Variants in KMT2E observed in about 807,000 individuals in gnomAD.
KMT2E encodes histone reader KMT2E.
KMT2E carries 30 observed loss-of-function variants against 184.6 expected under a neutral mutation model. The observed-to-expected ratio is 0.16, with a 90% CI of 0.12 to 0.22. KMT2E has a LOEUF of 0.22. Among genes scored for constraint, KMT2E ranks in the 10% least tolerant of loss-of-function variants. The pLI is 1.00. For synonymous variants in KMT2E, 815 were observed against 776.5 expected, an observed-to-expected ratio of 1.05 and a Z score of -0.82; for missense variants, 2,023 against 2,237.4, an observed-to-expected ratio of 0.90 and a Z score of 1.93.
At chr7:105,078,025 T>G (rs1797602059) in intron 11 of KMT2E, among the ~76,000 whole-genome samples, 1 of 152,228 alleles carries the variant, frequency 6.6e-6, no homozygotes, top group Admixed American at 6.5e-5. Context: ...TCTAGAAGTA[T>G]GTTCATATCT....
At chr7:105,072,033 C>T (rs867010697) in intron 6 of KMT2E, among the ~76,000 whole-genome samples, 1 of 151,818 alleles carries the variant, frequency 6.6e-6, no homozygotes, top group African/African-American at 2.4e-5. Context: ...ATTAGGAGGC[C>T]GGGCGCGGTG....
intron 7 of KMT2E, among the ~76,000 whole-genome samples, chr7:105,073,996 A>G (rs1797433657): frequency 6.6e-6 from 1 of 152,240 alleles, no homozygotes; most frequent in African/African-American, 2.4e-5. Context: ...TCAGAAAGAT[A>G]TGATCCATTA....
At position 105,107,189 on chromosome 7, in the gene KMT2E, T is replaced by A; in HGVS notation, c.2871T>A (p.Ser957=). ...HFENISSPES[S]PEIKRRTYSQ... is the part of the protein sequence containing the mutation. ...AGAATATTTCTTCCCCAGAAAGTTC[T>A]CCAGAAATAAAGAGACGCACTTATA... Residue 957 remains serine, a synonymous_variant, in exon 21 of 27, where the codon TCT becomes TCA. Coordinates refer to ENST00000311117, the MANE Select transcript of KMT2E (RefSeq NM_182931.3). 2.6e-6 allele frequency: 4 copies of A among 1,550,108 alleles called. No individual in the cohort carries two copies. Among genetic ancestry groups the A allele is most frequent in the Non-Finnish European group, 3.5e-6 (4 of 1,139,896 alleles).
chr7:105,063,201 G>A, intron 4 of KMT2E, 150 bp from the exon 5 acceptor site: 2 of 578,464 alleles, frequency 3.5e-6, no homozygotes, highest in Non-Finnish European at 5.8e-6. Flanking sequence ...GCTTCACCAA[G>A]TCATTTTTTT....
In KMT2E at chr7:105,105,660, A is replaced by C; in HGVS notation, c.2418A>C (p.Glu806Asp). The C allele has an allele frequency of 6.2e-7, 1 of 1,604,918 alleles. No individual in the cohort carries two copies. The highest frequency in any genetic ancestry group is 8.5e-7 in the Non-Finnish European group (1 of 1,177,846). The part of the protein sequence containing the change: ...PFLSEKRRRK[E>D]PTENISGSCK... ...TTTCAGAAAAAAGGAGAAGAAAAGA[A>C]CCTACTGAAAACATTTCTGGTTCAT... The change falls in exon 18 of 27, where the codon GAA (glutamate) becomes GAC (aspartate). Residue 806 changes from glutamate (E) to aspartate (D), a missense_variant. By Grantham distance (45) the Glu-to-Asp change is conservative. This residue lies in a region of KMT2E where 514 missense variants were observed against 621.8 expected (regional missense o/e 0.83). Coordinates refer to ENST00000311117, the MANE Select transcript of KMT2E (RefSeq NM_182931.3).
intron 3 of KMT2E, among the ~76,000 whole-genome samples, chr7:105,042,677 G>A (rs1395226304): frequency 6.6e-6 from 1 of 152,140 alleles, no homozygotes; most frequent in African/African-American, 2.4e-5. Flanking sequence ...GAAGTGAAAT[G>A]CCACATGTGA....
chr7:105,015,265 C>T (rs1299862106), intron 1 of KMT2E, among the ~76,000 whole-genome samples: 2 of 152,154 alleles, frequency 1.3e-5, no homozygotes, highest in Non-Finnish European at 2.9e-5. Context: ...GGCACAAATT[C>T]TATGGCAGCA....
rs1423439308 is a variant in KMT2E at position 105,107,354 on chromosome 7, G to C, written c.2905-8G>C. 1 of 1,542,210 alleles carries C rather than the reference G, an allele frequency of 6.5e-7. No individual in the cohort carries two copies. Among genetic ancestry groups the C allele is most frequent in the African/African-American group, 1.4e-5 (1 of 71,098 alleles). On this transcript the variant is annotated splice_polypyrimidine_tract_variant and splice_region_variant and intron_variant, in intron 21 of 26. Transcript: ENST00000311117. ...TTTGTGTAATTTTTTTTTTTAATTTGTAAACAGGGATATGACAGATCTTCA... is the reference window on the plus strand; with the variant it reads ...TTTGTGTAATTTTTTTTTTTAATTTCTAAACAGGGATATGACAGATCTTCA...
intron 12 of KMT2E, among the ~76,000 whole-genome samples, chr7:105,079,363 G>A (rs1000960806): frequency 4.7e-5 from 7 of 150,438 alleles, no homozygotes; most frequent in African/African-American, 9.8e-5. Flanking sequence ...CTCGAACTCC[G>A]GACCTCAGGT....
At chr7:105,090,841 C>A (rs1798172728) in intron 14 of KMT2E, among the ~76,000 whole-genome samples, 2 of 152,154 alleles carry the variant, frequency 1.3e-5, no homozygotes, top group Middle Eastern at 6.8e-3. Context: ...TTTCCAGGGG[C>A]CTATCTTCTA....
chr7:105,025,555 ATTC>A (rs1484499756), intron 1 of KMT2E, among the ~76,000 whole-genome samples: 1 of 152,120 alleles, frequency 6.6e-6, no homozygotes. Context: ...AGGATTAATA[ATTC>A]TTCTTTTAAA....
At chr7:105,088,306 T>C (rs1323888099) in intron 13 of KMT2E, among the ~76,000 whole-genome samples, 2 of 152,232 alleles carry the variant, frequency 1.3e-5, no homozygotes, top group African/African-American at 4.8e-5. Context: ...TGTAGTTCTC[T>C]TGTCCTAAAA....
Position 105,112,488 on chromosome 7 carries a change from C to G in KMT2E, c.4732C>G (p.Gln1578Glu), listed in dbSNP as rs1799348470. 6.2e-7 allele frequency: 1 copy of G among 1,614,064 alleles called. No homozygotes were observed. The highest frequency in any genetic ancestry group is 2.2e-5 in the East Asian group (1 of 44,864). The change falls in exon 27 of 27, where the codon CAA becomes GAA. Residue 1578 changes from glutamine to glutamate, a missense_variant. Gln to Glu is a conservative substitution (Grantham distance 29). This residue lies in a region of KMT2E where 1,108 missense variants were observed against 1,050.9 expected (regional missense o/e 1.05). Coordinates refer to ENST00000311117, the MANE Select transcript of KMT2E (RefSeq NM_182931.3). ...TAATCAGCTCAAAGGTAGTCTTTCT[C>G]AACAAACTGTGTTTACATCAGGACC... ...NYNQLKGSLSQQTVFTSGPNQ... is the reference protein window; with the variant it reads ...NYNQLKGSLSEQTVFTSGPNQ...
At chr7:105,019,147 G>C (rs753383002) in intron 1 of KMT2E, among the ~76,000 whole-genome samples, 23 of 152,004 alleles carry the variant, frequency 1.5e-4, no homozygotes, top group South Asian at 6.2e-4. Context: ...ATCAAATGAA[G>C]GTGACCCAGA....
intron 3 of KMT2E, among the ~76,000 whole-genome samples, chr7:105,044,705 G>T (rs1796024699): frequency 2.0e-5 from 3 of 152,178 alleles, no homozygotes; most frequent in African/African-American, 7.2e-5. Flanking sequence ...TCCCATACCA[G>T]GCAGGACACA....
intron 18 of KMT2E, 37 bp downstream of exon 18, chr7:105,105,730 C>A: frequency 6.3e-7 from 1 of 1,579,624 alleles, no homozygotes; most frequent in Admixed American, 1.9e-5. Context: ...GTAGAATGAG[C>A]CAAATGCCAA....
At chr7:105,066,689 A>G (rs774722557) in intron 5 of KMT2E, 38 bp from the exon 6 acceptor site, 2 of 1,484,198 alleles carry the variant, frequency 1.3e-6, no homozygotes, top group Non-Finnish European at 1.9e-6. Flanking sequence ...AGGATGACTT[A>G]AATAATATTA....
intron 1 of KMT2E, among the ~76,000 whole-genome samples, chr7:105,032,446 G>C (rs557030515): frequency 6.7e-6 from 1 of 150,216 alleles, no homozygotes; most frequent in Non-Finnish European, 1.5e-5. Flanking sequence ...TCCGTCTCAA[G>C]AAAAAAAAAG....
At chr7:105,100,703 C>A (rs1253156678) in intron 15 of KMT2E, among the ~76,000 whole-genome samples, 1 of 152,140 alleles carries the variant, frequency 6.6e-6, no homozygotes, top group Non-Finnish European at 1.5e-5. Context: ...CAATGGAGGG[C>A]AAGAGGACTA....
Sources: gnomAD v4.1 joint callset for allele counts (sites outside exome capture counted in the v4.1 genomes callset) on GRCh38, gnomAD v4.1.1 for gene constraint, gnomAD v4.1.1 regional missense constraint, MANE v1.5 for transcripts, NCBI Gene and HGNC (gene_info 2026-07-23, HGNC 2026-07-21) for gene names.